ASTN2: variants seen among roughly 807,000 people sequenced by gnomAD.
ASTN2 encodes the protein astrotactin-2.
In ASTN2, 54 loss-of-function variants were observed where a neutral mutation model predicts 139.8. The ratio of observed to expected loss-of-function variants is 0.39; its 90% CI spans 0.31 to 0.48. The LOEUF (loss-of-function observed/expected upper bound fraction) is 0.48. ASTN2 is among the 20% of genes least tolerant of loss of function. ASTN2 has a pLI of 0.95. For synonymous variants in ASTN2, 756 were observed against 719.5 expected (o/e 1.05, Z -0.81); for missense variants, 1,565 against 1,725.1 (o/e 0.91, Z 1.64).
chr9:117,375,178 T>C (rs1266444716), intron 1 of ASTN2, among the ~76,000 whole-genome samples: 1 of 152,362 alleles, frequency 6.6e-6, no homozygotes, highest in Non-Finnish European at 1.5e-5. Context: ...GAAGAGTCCT[T>C]GGCCTGCCCT....
chr9:116,709,805 A>G (rs1005976265), intron 16 of ASTN2, among the ~76,000 whole-genome samples: 3 of 152,298 alleles, frequency 2.0e-5, no homozygotes, highest in African/African-American at 7.2e-5. Flanking sequence ...CTCAAAATAC[A>G]TAATATTGGG....
At chr9:116,490,272 T>TAAAAAAAGAAAAAAAAAAAA (rs1849472019) in intron 19 of ASTN2, among the ~76,000 whole-genome samples, 1 of 37,912 alleles carries the variant, frequency 2.6e-5, no homozygotes, top group Non-Finnish European at 4.5e-5. Context: ...TGATAAAAAG[T>TAAAAAAAGAAAAAAAAAAAA]AAAAAAAAAA....
intron 16 of ASTN2, among the ~76,000 whole-genome samples, chr9:116,708,597 T>C (rs1828057499): frequency 6.6e-6 from 1 of 152,122 alleles, no homozygotes; most frequent in South Asian, 2.1e-4. Context: ...TGAGGACACA[T>C]ATAGTCATAA....
At chr9:116,939,412 T>C (rs573670950) in intron 10 of ASTN2, among the ~76,000 whole-genome samples, 20 of 152,272 alleles carry the variant, frequency 1.3e-4, no homozygotes, top group Non-Finnish European at 2.6e-4. Flanking sequence ...AATTTATTAT[T>C]ATTATCATTA....
intron 19 of ASTN2, among the ~76,000 whole-genome samples, chr9:116,587,165 A>T (rs1467829492): frequency 6.6e-6 from 1 of 151,996 alleles, no homozygotes; most frequent in African/African-American, 2.4e-5. Flanking sequence ...ACATGGTGAA[A>T]CCACATCTCT....
intron 3 of ASTN2, chr9:117,181,283 T>A: frequency 4.4e-6 from 2 of 453,592 alleles, no homozygotes; most frequent in Non-Finnish European, 8.0e-6. Flanking sequence ...ATGGGGAAAC[T>A]GAAGCCCAGA....
At chr9:116,867,257 G>A (rs1354944123) in intron 10 of ASTN2, among the ~76,000 whole-genome samples, 3 of 152,126 alleles carry the variant, frequency 2.0e-5, no homozygotes, top group Non-Finnish European at 4.4e-5. Context: ...ATGTGTAAGT[G>A]TGCCGAGGAG....
Position 116,976,723 on chromosome 9 carries a change from T to A in ASTN2, c.1654A>T (p.Ser552Cys), listed in dbSNP as rs551114622. 1.2e-6 allele frequency: 2 copies of A among 1,614,112 alleles called. No individual in the cohort carries two copies. The highest frequency in any genetic ancestry group is 2.2e-5 in the East Asian group (1 of 44,876). Residue 552 changes from serine to cysteine, a missense_variant, in exon 8 of 23, where the codon AGT becomes TGT. Ser to Cys is a moderately radical substitution (Grantham distance 112, BLOSUM62 -1). Coordinates refer to ENST00000313400, the MANE Select transcript of ASTN2 (RefSeq NM_001365068.1). ...DPVHRHLCVR[S>C]DWGQSEGPWP... ...CACCCTTCACTCTGTCCCCAGTCACTGCGCACACACAGGTGTCTGTGAACA... is the reference window on the plus strand; with the variant it reads ...CACCCTTCACTCTGTCCCCAGTCACAGCGCACACACAGGTGTCTGTGAACA...
intron 1 of ASTN2, among the ~76,000 whole-genome samples, chr9:117,307,824 C>T (rs1267353197): frequency 6.6e-6 from 1 of 152,178 alleles, no homozygotes; most frequent in African/African-American, 2.4e-5. Flanking sequence ...TGAAATATCT[C>T]TGGATCTTTC....
intron 19 of ASTN2, among the ~76,000 whole-genome samples, chr9:116,617,608 A>G (rs1855919284): frequency 6.6e-6 from 1 of 152,172 alleles, no homozygotes; most frequent in South Asian, 2.1e-4. Flanking sequence ...AACTCTCCTA[A>G]AATTGTGAGG....
intron 3 of ASTN2, among the ~76,000 whole-genome samples, chr9:117,185,935 T>C (rs1831186173): frequency 6.6e-6 from 1 of 152,148 alleles, no homozygotes; most frequent in South Asian, 2.1e-4. Flanking sequence ...TGAGACTGTT[T>C]CTGATCATAC....
At chr9:116,972,007 C>G (rs1195602624) in intron 10 of ASTN2, among the ~76,000 whole-genome samples, 2 of 152,116 alleles carry the variant, frequency 1.3e-5, no homozygotes, top group Non-Finnish European at 2.9e-5. Context: ...ATATAGAATA[C>G]ATAGAGAAAA....
At position 116,728,982 on chromosome 9, in the gene ASTN2, T is replaced by G; in HGVS notation, c.2626+10A>C. ...CCAAGTCCCCTGGCTGCCCAGGCAG[T>G]GGTCCTCACCTGCTGCGAGGGTGAT... On this transcript the variant is annotated intron_variant, in intron 15 of 22. Coordinates refer to ENST00000313400, the MANE Select transcript of ASTN2 (RefSeq NM_001365068.1). The G allele has an allele frequency of 1.3e-6, 2 of 1,574,398 alleles. No homozygotes were observed. The highest frequency in any genetic ancestry group is 1.7e-6 in the Non-Finnish European group (2 of 1,158,526).
intron 16 of ASTN2, among the ~76,000 whole-genome samples, chr9:116,668,593 T>C (rs1287489133): frequency 6.6e-6 from 1 of 152,250 alleles, no homozygotes; most frequent in African/African-American, 2.4e-5. Flanking sequence ...ATTGTCTGGA[T>C]GTACCACAAG....
intron 10 of ASTN2, 128 bp downstream of exon 10, chr9:116,975,079 TA>T: frequency 1.1e-6 from 1 of 936,524 alleles, no homozygotes; most frequent in Non-Finnish European, 1.5e-6. Context: ...GAGCATGGCA[TA>T]TTTGACAGTG....
chr9:117,146,057 C>T (rs1445041424), intron 3 of ASTN2, among the ~76,000 whole-genome samples: 1 of 152,094 alleles, frequency 6.6e-6, no homozygotes, highest in Non-Finnish European at 1.5e-5. Context: ...AGAGCCCAGG[C>T]AGACTTAGAG....
At chr9:117,045,991 C>CGTATGTATGTAT (rs57186974) in intron 5 of ASTN2, among the ~76,000 whole-genome samples, 4 of 142,976 alleles carry the variant, frequency 2.8e-5, no homozygotes, top group African/African-American at 7.9e-5. Flanking sequence ...TACGTACGTA[C>CGTATGTATGTAT]GTATGTATGT....
intron 13 of ASTN2, among the ~76,000 whole-genome samples, chr9:116,751,908 T>C (rs146038280): frequency 2.5e-4 from 38 of 152,312 alleles, no homozygotes; most frequent in African/African-American, 8.7e-4. Flanking sequence ...ATATTGTTAA[T>C]ATGTCAGTTC....
intron 19 of ASTN2, among the ~76,000 whole-genome samples, chr9:116,521,321 A>G (rs1042716323): frequency 6.6e-6 from 1 of 152,094 alleles, no homozygotes; most frequent in African/African-American, 2.4e-5. Context: ...TGGAATGGAA[A>G]GAAGAACCCA....
Sources: gnomAD v4.1 joint callset for allele counts (sites outside exome capture counted in the v4.1 genomes callset) on GRCh38, gnomAD v4.1.1 for gene constraint, MANE v1.5 for transcripts, NCBI Gene and HGNC (gene_info 2026-07-23, HGNC 2026-07-21) for gene names.